RXRA: variants seen among roughly 807,000 people sequenced by gnomAD.
RXRA encodes retinoid X receptor alpha.
RXRA carries 5 observed loss-of-function variants against 44.5 expected under a neutral mutation model. The ratio of observed to expected loss-of-function variants is 0.11; its 90% CI spans 0.06 to 0.24. The LOEUF (loss-of-function observed/expected upper bound fraction) is 0.24, where lower values mean the gene tolerates loss of function less well. Ranked by LOEUF, RXRA falls within the 10% of genes least tolerant of loss-of-function variation. The pLI is 1.00. For missense variants in RXRA, 412 were observed against 646.5 expected (o/e 0.64, Z 3.93); for synonymous variants, 291 against 271.4 (o/e 1.07, Z -0.71).
chr9:134,391,125 C>G lies in RXRA; in HGVS notation c.29-10507C>G, dbSNP rs551979207. Among the ~76,000 whole-genome samples, 388 of 152,316 alleles carry G rather than the reference C, an allele frequency of 2.5e-3. 1 individual carries two copies. The highest frequency in any genetic ancestry group is 8.8e-3 in the African/African-American group (366 of 41,582). ...CGGGCCGTGGGAAGACTGGGGATGT[C>G]CCCCAGAGAGGCCGGCCCCATGCCA... is the stretch of plus-strand genomic sequence containing the variant. On this transcript the variant is annotated intron_variant, in intron 1 of 9. Transcript: ENST00000481739.
chr9:134,332,087 C>T (rs781943984), intron 1 of RXRA, among the ~76,000 whole-genome samples: 3 of 151,838 alleles, frequency 2.0e-5, no homozygotes, highest in Non-Finnish European at 2.9e-5. Flanking sequence ...TAAGGAGTGG[C>T]GACCCCTTGA....
At chr9:134,435,305 A>C (rs1261485126) in intron 9 of RXRA, among the ~76,000 whole-genome samples, 1 of 152,120 alleles carries the variant, frequency 6.6e-6, no homozygotes, top group Non-Finnish European at 1.5e-5. Flanking sequence ...TTCCGTCCCC[A>C]TAGCACCCTG....
chr9:134,369,221 G>C (rs1830458985), intron 1 of RXRA, among the ~76,000 whole-genome samples: 1 of 49,622 alleles, frequency 2.0e-5, no homozygotes, highest in Non-Finnish European at 3.7e-5. Flanking sequence ...TGTGTATGGG[G>C]GGTTATGTGT....
Position 134,437,862 on chromosome 9 carries a change from A to G in RXRA, c.*1248A>G, listed in dbSNP as rs545726539. 6.6e-5 allele frequency: 10 copies of G among 151,856 alleles called. No homozygotes were observed. The highest frequency in any genetic ancestry group is 1.3e-4 in the Admixed American group (2 of 15,292). 9.4% of individuals were successfully genotyped at this position (151,856 alleles called of 1,614,324 possible). ...CCACCCAGCCTGGTATTGTCCACGGACAGCGTTGTTCACCCAGAGCCTTAC... is the reference window on the plus strand; with the variant it reads ...CCACCCAGCCTGGTATTGTCCACGGGCAGCGTTGTTCACCCAGAGCCTTAC... On this transcript the variant is annotated 3_prime_UTR_variant, in exon 10 of 10. Coordinates refer to ENST00000481739, the MANE Select transcript of RXRA (RefSeq NM_002957.6).
intron 1 of RXRA, among the ~76,000 whole-genome samples, chr9:134,333,294 C>T (rs1431594675): frequency 6.6e-6 from 1 of 152,184 alleles, no homozygotes; most frequent in Non-Finnish European, 1.5e-5. Flanking sequence ...GCACTGCCTG[C>T]TGGGGTGAGG....
chr9:134,433,507 G>T lies in RXRA; in HGVS notation c.1136-595G>T, dbSNP rs553055945. On this transcript the variant is annotated intron_variant, in intron 8 of 9. Coordinates refer to ENST00000481739, the MANE Select transcript of RXRA (RefSeq NM_002957.6). This position sits in a 1 kb window ranked among gnomAD's most constrained non-coding sequence, Gnocchi z 4.2. ...ACAGGCCAAGGTGGCATTCACAGGGGGTCCCTGGGCCTTGGGGGCCAAGGT... is the reference window on the plus strand; with the variant it reads ...ACAGGCCAAGGTGGCATTCACAGGGTGTCCCTGGGCCTTGGGGGCCAAGGT... Among the ~76,000 whole-genome samples the T allele has an allele frequency of 6.7e-6, 1 of 148,668 alleles. No homozygotes were observed. Among genetic ancestry groups the T allele is most frequent in the Non-Finnish European group, 1.5e-5 (1 of 67,780 alleles).
chr9:134,434,308 C>T lies in RXRA; in HGVS notation c.1241+101C>T, dbSNP rs367888804. On this transcript the variant is annotated intron_variant, in intron 9 of 9. Coordinates refer to ENST00000481739, the MANE Select transcript of RXRA (RefSeq NM_002957.6). Reference sequence around the variant, plus strand: ...TTTTATGTGAATGAGAAGGTGGCACCCTCCCCAGGCCCAGCCCATGCCAGC... The same window carrying T: ...TTTTATGTGAATGAGAAGGTGGCACTCTCCCCAGGCCCAGCCCATGCCAGC... 8.7e-6 allele frequency: 7 copies of T among 802,328 alleles called. No individual in the cohort carries two copies. In the East Asian group the frequency reaches 1.8e-4, roughly 21 times the overall value. The allele number at this position is 802,328 out of a possible 1,614,324, so 49.7% of individuals were successfully genotyped here.
At chr9:134,361,190 C>A (rs548022849) in intron 1 of RXRA, among the ~76,000 whole-genome samples, 38 of 152,366 alleles carry the variant, frequency 2.5e-4, no homozygotes, top group Non-Finnish European at 4.9e-4. Context: ...CTAACTGATT[C>A]TGGAACCTTT....
intron 6 of RXRA, chr9:134,424,559 C>T (rs964979084): frequency 1.0e-6 from 1 of 985,438 alleles, no homozygotes; most frequent in African/African-American, 1.7e-5. Context: ...TTGGCTGAGT[C>T]ACTTACTCTC....
intron 1 of RXRA, among the ~76,000 whole-genome samples, chr9:134,338,228 C>A (rs1488021101): frequency 6.6e-6 from 1 of 152,244 alleles, no homozygotes; most frequent in Non-Finnish European, 1.5e-5. Context: ...TGGCTGGTAG[C>A]ACGGGCAGGT....
intron 1 of RXRA, among the ~76,000 whole-genome samples, chr9:134,348,537 T>C (rs1830182325): frequency 6.6e-6 from 1 of 152,160 alleles, no homozygotes; most frequent in Non-Finnish European, 1.5e-5. Context: ...ACGGGCAGAA[T>C]GTTGATCTGA....
intron 1 of RXRA, among the ~76,000 whole-genome samples, chr9:134,387,043 C>T (rs1588279812): frequency 6.6e-6 from 1 of 152,226 alleles, no homozygotes; most frequent in African/African-American, 2.4e-5. Flanking sequence ...CCAGACTGCT[C>T]AGCCTCTGCC....
intron 9 of RXRA, 109 bp downstream of exon 9, chr9:134,434,316 G>C (rs1831580517): frequency 1.3e-6 from 1 of 765,092 alleles, no homozygotes; most frequent in East Asian, 2.6e-5. Context: ...ACCCTCCCCA[G>C]GCCCAGCCCA....
At chr9:134,380,286 G>A in intron 1 of RXRA, 1 of 775,620 alleles carries the variant, frequency 1.3e-6, no homozygotes, top group Non-Finnish European at 1.6e-6. Context: ...GCGTGCTGAG[G>A]CTGGCCTGCC....
intron 6 of RXRA, chr9:134,422,118 C>T (rs1242433572): frequency 2.5e-5 from 33 of 1,332,042 alleles, no homozygotes; most frequent in Non-Finnish European, 1.7e-5. Context: ...ACTTCTACCT[C>T]CCGGGACACT....
chr9:134,388,684 A>G (rs1830756672), intron 1 of RXRA, among the ~76,000 whole-genome samples: 2 of 152,332 alleles, frequency 1.3e-5, no homozygotes, highest in South Asian at 4.1e-4. Context: ...GGTGGCCGCC[A>G]TTCTGGGCGC....
At chr9:134,419,757 G>A (rs911963963) in intron 5 of RXRA, among the ~76,000 whole-genome samples, 1 of 152,240 alleles carries the variant, frequency 6.6e-6, no homozygotes, top group African/African-American at 2.4e-5. Context: ...AGGCCACACA[G>A]GGAGGTGGAG....
At chr9:134,367,729 G>A (rs1830432108) in intron 1 of RXRA, among the ~76,000 whole-genome samples, 1 of 152,186 alleles carries the variant, frequency 6.6e-6, no homozygotes. Flanking sequence ...AGCCTCCTTA[G>A]CACCTGCAGC....
At chr9:134,340,623 C>T (rs535693680) in intron 1 of RXRA, among the ~76,000 whole-genome samples, 7 of 152,198 alleles carry the variant, frequency 4.6e-5, no homozygotes, top group African/African-American at 9.7e-5. Flanking sequence ...CAGACGGTCT[C>T]GGTGCATGAG....
Sources: gnomAD v4.1 joint callset for allele counts (sites outside exome capture counted in the v4.1 genomes callset) on GRCh38, gnomAD v4.1.1 for gene constraint, Gnocchi (gnomAD v3.1) non-coding constraint, MANE v1.5 for transcripts, NCBI Gene and HGNC (gene_info 2026-07-23, HGNC 2026-07-21) for gene names.